The following DZIP1 variants were observed in gnomAD, a reference collection of about 807,000 sequenced individuals.
DZIP1 encodes the protein DAZ interacting zinc finger protein 1.
Under a neutral mutation model 107.6 loss-of-function variants are expected in DZIP1, and 97 were observed. That is an observed-to-expected ratio of 0.90 (90% CI 0.77 to 1.07). The LOEUF (loss-of-function observed/expected upper bound fraction) is 1.07. Ranked by LOEUF, DZIP1 falls within the 50% of genes least tolerant of loss-of-function variation. The pLI, the probability that DZIP1 is intolerant of heterozygous loss-of-function variation, is 0.00. For missense variants in DZIP1, 1,035 were observed against 1,063.6 expected, an observed-to-expected ratio of 0.97 and a Z score of 0.37; for synonymous variants, 390 against 386.4, an observed-to-expected ratio of 1.01 and a Z score of -0.11.
intron 22 of DZIP1, chr13:95,584,471 G>A (rs368060037): frequency 9.1e-5 from 52 of 572,870 alleles, no homozygotes; most frequent in East Asian, 3.3e-4. Context: ...CAATAACACC[G>A]TTTCAAAAAC....
At chr13:95,593,061 T>C (rs965436534) in intron 16 of DZIP1, among the ~76,000 whole-genome samples, 1 of 152,196 alleles carries the variant, frequency 6.6e-6, no homozygotes, top group Non-Finnish European at 1.5e-5. Flanking sequence ...CACACATCCA[T>C]GTACATACAA....
At chr13:95,602,152 C>T (rs7139515) in intron 14 of DZIP1, among the ~76,000 whole-genome samples, 7,611 of 152,202 alleles carry the variant, frequency 0.05, 540 homozygotes, top group African/African-American at 0.16. Flanking sequence ...CTGCCATGAA[C>T]GCCCTCAACC....
Position 95,611,500 on chromosome 13 carries a change from A to G in DZIP1, c.1315-7T>C. On this transcript the variant is annotated splice_polypyrimidine_tract_variant and splice_region_variant and intron_variant, in intron 11 of 22. Coordinates refer to ENST00000376829, the MANE Select transcript of DZIP1 (RefSeq NM_198968.4). ...TACAGGTAAAGTCTTTAATCTGCAA[A>G]GAAATACAGTCTTCTAGTGATACAT... 1.2e-6 allele frequency: 2 copies of G among 1,605,410 alleles called. No homozygotes were observed. The highest frequency in any genetic ancestry group is 1.7e-6 in the Non-Finnish European group (2 of 1,172,102).
chr13:95,592,492 T>G (rs1418488926), intron 16 of DZIP1, among the ~76,000 whole-genome samples: 2 of 152,172 alleles, frequency 1.3e-5, no homozygotes, highest in Non-Finnish European at 2.9e-5. Flanking sequence ...ACTGACTGAG[T>G]TGATGAAAGA....
chr13:95,617,789 G>A (rs1034995798), intron 10 of DZIP1, among the ~76,000 whole-genome samples: 1 of 152,118 alleles, frequency 6.6e-6, no homozygotes, highest in Non-Finnish European at 1.5e-5. Flanking sequence ...GGGAAGGCTG[G>A]AATTGAGGAG....
At chr13:95,640,378 C>T (rs1878354872) in intron 5 of DZIP1, among the ~76,000 whole-genome samples, 1 of 152,164 alleles carries the variant, frequency 6.6e-6, no homozygotes, top group African/African-American at 2.4e-5. Context: ...TTTCTCTGCC[C>T]TGCACCCAGT....
At chr13:95,634,205 C>G (rs1877533656) in intron 5 of DZIP1, among the ~76,000 whole-genome samples, 1 of 152,194 alleles carries the variant, frequency 6.6e-6, no homozygotes, top group South Asian at 2.1e-4. Context: ...AGACCCTCCT[C>G]CCATGGCTGG....
intron 8 of DZIP1, 122 bp from the exon 9 acceptor site, chr13:95,622,602 C>T (rs534440472): frequency 2.9e-5 from 29 of 1,013,028 alleles, no homozygotes; most frequent in African/African-American, 1.6e-4. Flanking sequence ...CGCTCCTGGA[C>T]GCTCTTGGAC....
chr13:95,578,706 C>A lies in DZIP1; in HGVS notation c.*3528G>T, dbSNP rs933779910. 5 of 152,156 alleles carry A rather than the reference C, an allele frequency of 3.3e-5. No individual in the cohort carries two copies. Among genetic ancestry groups the A allele is most frequent in the Non-Finnish European group, 7.3e-5 (5 of 68,030 alleles). 9.4% of individuals were successfully genotyped at this position (152,156 alleles called of 1,614,324 possible). On this transcript the variant is annotated 3_prime_UTR_variant, in exon 23 of 23. Coordinates refer to ENST00000376829, the MANE Select transcript of DZIP1 (RefSeq NM_198968.4). ...TTGATGTATGCAGAGAGTTACGTAG[C>A]AGGGGATGTTCTCTGATTTATTCCA...
chr13:95,590,025 T>A, intron 17 of DZIP1, 93 bp from the exon 18 acceptor site: 1 of 1,454,122 alleles, frequency 6.9e-7, no homozygotes, highest in Non-Finnish European at 9.3e-7. Flanking sequence ...TATGCTGCTG[T>A]GGCAATGAAC....
rs368276400 is a variant in DZIP1 at position 95,610,111 on chromosome 13, T to TGTGTGTGTGAGAGAGA, written c.1364-599_1364-598insTCTCTCTCACACACAC. ...GTGTGTGTGTGTGTGTGTGTGTGTG[T>TGTGTGTGTGAGAGAGA]GAGAGAGAGACAGAGAGAGAGAGAC... On this transcript the variant is annotated intron_variant, in intron 12 of 22. Coordinates refer to ENST00000376829, the MANE Select transcript of DZIP1 (RefSeq NM_198968.4). 1.2e-4 allele frequency among the ~76,000 whole-genome samples: 15 copies of TGTGTGTGTGAGAGAGA among 126,764 alleles called. No individual in the cohort carries two copies. The East Asian group carries it at 1.6e-3, about 13-fold the overall frequency. 83.2% of individuals were successfully genotyped at this position (126,764 alleles called of 152,430 possible).
intron 5 of DZIP1, among the ~76,000 whole-genome samples, chr13:95,638,718 G>A (rs1878130034): frequency 6.6e-6 from 1 of 152,090 alleles, no homozygotes; most frequent in African/African-American, 2.4e-5. Context: ...GTGTCTGTCT[G>A]TCTGTGTCTT....
rs1877416031 is a variant in DZIP1 at position 95,633,274 on chromosome 13, A to T, written c.645T>A (p.Ser215Arg). The change falls in exon 6 of 23, where the codon AGT (serine) becomes AGA (arginine). Residue 215 changes from serine to arginine, a missense_variant. Coordinates refer to ENST00000376829, the MANE Select transcript of DZIP1 (RefSeq NM_198968.4). ...KAFMNQAFLQSHIQRRHTEEN... is the reference protein window; with the variant it reads ...KAFMNQAFLQRHIQRRHTEEN... ...CTTCAGTGTGGCGGCGTTGAATGTG[A>T]CTTTGTAGAAAAGCTTGGTTCATAA... 1.2e-6 allele frequency: 2 copies of T among 1,614,210 alleles called. No homozygotes were observed. The highest frequency in any genetic ancestry group is 1.7e-6 in the Non-Finnish European group (2 of 1,180,034).
rs1483148145 is a variant in DZIP1, at chr13:95,587,426, G to A, written c.2218+113C>T. ...TCCGTGGGTGCCTTTGGGATCCGCT[G>A]CATCTGTTCCTTGCACACCCTCCCA... On this transcript the variant is annotated intron_variant, in intron 20 of 22. Coordinates refer to ENST00000376829, the MANE Select transcript of DZIP1 (RefSeq NM_198968.4). 9.2e-6 allele frequency: 13 copies of A among 1,411,068 alleles called. No homozygotes were observed. In the East Asian group the frequency reaches 3.0e-4, roughly 33 times the overall value. The allele number at this position is 1,411,068 out of a possible 1,614,324, so 87.4% of individuals were successfully genotyped here.
chr13:95,582,231 G>A lies in DZIP1; in HGVS notation c.*3C>T. On this transcript the variant is annotated 3_prime_UTR_variant, in exon 23 of 23. Coordinates refer to ENST00000376829, the MANE Select transcript of DZIP1 (RefSeq NM_198968.4). ...TTCTGGAATAATCTTCTGACATGTG[G>A]AATTAGACATCTGAAGTGTCGCTCC... 2 of 1,613,550 alleles carry A rather than the reference G, an allele frequency of 1.2e-6. No homozygotes were observed. Among genetic ancestry groups the A allele is most frequent in the Non-Finnish European group, 1.7e-6 (2 of 1,179,504 alleles).
rs897735449 is a variant in DZIP1, at chr13:95,599,528, T to G, written c.1478-104A>C. The G allele has an allele frequency of 3.8e-6, 4 of 1,040,814 alleles. No homozygotes were observed. The African/African-American group carries it at 6.3e-5, about 16-fold the overall frequency. 64.5% of individuals were successfully genotyped at this position (1,040,814 alleles called of 1,614,324 possible). A position where few individuals can be genotyped will look rare whatever the true frequency, so the allele number is the denominator to read the frequency against. ...AAGATATCATTCCATGGTATTTTAG[T>G]CATGCCTGAATAGCAAGAATTTACT... On this transcript the variant is annotated intron_variant, in intron 14 of 22. Coordinates refer to ENST00000376829, the MANE Select transcript of DZIP1 (RefSeq NM_198968.4).
At chr13:95,589,079 C>G in intron 19 of DZIP1, 75 bp downstream of exon 19, 1 of 1,206,516 alleles carries the variant, frequency 8.3e-7, no homozygotes, top group East Asian at 2.4e-5. Flanking sequence ...ATAATGAGCA[C>G]GCTACTTTAA....
At chr13:95,591,229 G>A (rs1226260893) in intron 16 of DZIP1, among the ~76,000 whole-genome samples, 4 of 151,746 alleles carry the variant, frequency 2.6e-5, no homozygotes, top group South Asian at 2.1e-4. Context: ...GGGTTTCACC[G>A]TGTTGGCCAG....
At chr13:95,599,455 A>T in intron 14 of DZIP1, 31 bp from the exon 15 acceptor site, 1 of 1,521,288 alleles carries the variant, frequency 6.6e-7, no homozygotes, top group Non-Finnish European at 9.1e-7. Flanking sequence ...GAACAGTACA[A>T]ACAGGACAAC....
Sources: gnomAD v4.1 joint callset for allele counts (sites outside exome capture counted in the v4.1 genomes callset) on GRCh38, gnomAD v4.1.1 for gene constraint, MANE v1.5 for transcripts, NCBI Gene and HGNC (gene_info 2026-07-23, HGNC 2026-07-21) for gene names.